Variants in TAS2R1 observed in about 807,000 individuals in gnomAD.
TAS2R1 encodes the protein taste 2 receptor member 1.
For synonymous variants in TAS2R1, 141 were observed against 134.2 expected (o/e 1.05, Z -0.35); for missense variants, 370 against 353.4 (o/e 1.05, Z -0.38).
the TAS2R1 span, among the ~76,000 whole-genome samples, chr5:9,858,977 T>C: frequency 1.3e-5 from 2 of 152,378 alleles, no homozygotes; most frequent in African/African-American, 4.8e-5. Flanking sequence ...TATTGGCTGA[T>C]AGTTTTCACA....
the TAS2R1 span, among the ~76,000 whole-genome samples, chr5:9,814,475 AT>A: frequency 8.6e-5 from 13 of 151,938 alleles, no homozygotes; most frequent in African/African-American, 1.9e-4. Context: ...TCTCGAGCCC[AT>A]TTTTTTTCAT....
At chr5:9,668,117 C>T (rs374318731) in intron 1 of TAS2R1, among the ~76,000 whole-genome samples, 145 of 152,206 alleles carry the variant, frequency 9.5e-4, no homozygotes, top group African/African-American at 2.6e-3. Flanking sequence ...TCAAGAATTT[C>T]GTAATATAAC....
intron 1 of TAS2R1, among the ~76,000 whole-genome samples, chr5:9,711,334 T>A (rs1281843616): frequency 6.6e-6 from 1 of 152,202 alleles, no homozygotes; most frequent in Non-Finnish European, 1.5e-5. Context: ...TATTCAGCCT[T>A]ACAAAGAACT....
chr5:9,719,651 G>A, the TAS2R1 span, among the ~76,000 whole-genome samples: 6 of 151,778 alleles, frequency 4.0e-5, no homozygotes, highest in Middle Eastern at 3.2e-3. Flanking sequence ...ACTTCTGGCC[G>A]GGCGCGGTGG....
the TAS2R1 span, among the ~76,000 whole-genome samples, chr5:9,736,842 A>G: frequency 6.6e-6 from 1 of 152,132 alleles, no homozygotes; most frequent in Non-Finnish European, 1.5e-5. Flanking sequence ...AAAAGGGCCT[A>G]TGTCTGTCAC....
chr5:9,783,166 T>G, the TAS2R1 span, among the ~76,000 whole-genome samples: 2 of 152,210 alleles, frequency 1.3e-5, no homozygotes, highest in African/African-American at 4.8e-5. Flanking sequence ...GCCATTTAAA[T>G]GCTTGCATAG....
the TAS2R1 span, among the ~76,000 whole-genome samples, chr5:9,888,829 T>C: frequency 6.6e-6 from 1 of 151,846 alleles, no homozygotes; most frequent in Non-Finnish European, 1.5e-5. Flanking sequence ...GAGTGAGCAG[T>C]GAGAGGAGCC....
the TAS2R1 span, among the ~76,000 whole-genome samples, chr5:9,735,554 G>T: frequency 6.6e-6 from 1 of 151,548 alleles, no homozygotes; most frequent in South Asian, 2.1e-4. Context: ...ATCCTAGATG[G>T]TGCCTTCATT....
the TAS2R1 span, among the ~76,000 whole-genome samples, chr5:9,759,185 T>C: frequency 1.3e-5 from 2 of 152,340 alleles, no homozygotes; most frequent in African/African-American, 4.8e-5. Context: ...TCAAAATATA[T>C]TCAAAATTTA....
At chr5:9,695,183 T>C (rs558867754) in intron 1 of TAS2R1, among the ~76,000 whole-genome samples, 14 of 152,358 alleles carry the variant, frequency 9.2e-5, no homozygotes, top group African/African-American at 2.4e-4. Flanking sequence ...ACAAAATCAC[T>C]GCTATCATTG....
intron 1 of TAS2R1, among the ~76,000 whole-genome samples, chr5:9,689,192 A>G (rs1014330911): frequency 1.3e-5 from 2 of 152,010 alleles, no homozygotes; most frequent in Non-Finnish European, 2.9e-5. Context: ...CTAGCTACCT[A>G]CCTATCATCT....
At chr5:9,730,014 A>G in the TAS2R1 span, among the ~76,000 whole-genome samples, 5 of 152,250 alleles carry the variant, frequency 3.3e-5, no homozygotes, top group South Asian at 1.0e-3. Context: ...CTGGGAAAGG[A>G]AATTGAGAGT....
At chr5:9,757,738 T>C in the TAS2R1 span, among the ~76,000 whole-genome samples, 1 of 152,188 alleles carries the variant, frequency 6.6e-6, no homozygotes, top group African/African-American at 2.4e-5. Context: ...GGAAATTACA[T>C]TTAAACTAGC....
the TAS2R1 span, among the ~76,000 whole-genome samples, chr5:9,736,449 A>G: frequency 2.6e-5 from 4 of 152,190 alleles, no homozygotes; most frequent in Non-Finnish European, 5.9e-5. Context: ...TTAGGCTGAG[A>G]GTAGGTGGAT....
the TAS2R1 span, among the ~76,000 whole-genome samples, chr5:9,860,212 T>C: frequency 6.6e-6 from 1 of 152,248 alleles, no homozygotes; most frequent in Admixed American, 6.5e-5. Flanking sequence ...GTGTCAATGC[T>C]TGTTATCATG....
the TAS2R1 span, among the ~76,000 whole-genome samples, chr5:9,728,079 C>G: frequency 6.6e-6 from 1 of 152,206 alleles, no homozygotes; most frequent in Non-Finnish European, 1.5e-5. Context: ...CTGGATAGAT[C>G]AAGCCCCTGT....
the TAS2R1 span, among the ~76,000 whole-genome samples, chr5:9,889,295 G>T: frequency 1.3e-5 from 2 of 152,116 alleles, no homozygotes; most frequent in South Asian, 4.1e-4. Flanking sequence ...TGGAGGGACA[G>T]GTACGGCAGC....
the TAS2R1 span, among the ~76,000 whole-genome samples, chr5:9,725,339 C>T: frequency 6.6e-6 from 1 of 152,206 alleles, no homozygotes; most frequent in African/African-American, 2.4e-5. Flanking sequence ...CGGGGCTGCG[C>T]GCGGAGCTTG....
At chr5:9,881,007 C>T in the TAS2R1 span, among the ~76,000 whole-genome samples, 2 of 152,094 alleles carry the variant, frequency 1.3e-5, no homozygotes, top group Admixed American at 1.3e-4. Flanking sequence ...GGAGGAGCCA[C>T]AGTCTCCGTG....
Sources: gnomAD v4.1 joint callset for allele counts (sites outside exome capture counted in the v4.1 genomes callset) on GRCh38, gnomAD v4.1.1 for gene constraint, MANE v1.5 for transcripts, NCBI Gene and HGNC (gene_info 2026-07-23, HGNC 2026-07-21) for gene names.